DRP2: variants seen among roughly 807,000 people sequenced by gnomAD.
DRP2 encodes dystrophin-related protein 2.
In DRP2, 29 loss-of-function variants were observed where a neutral mutation model predicts 78.2. The ratio of observed to expected loss-of-function variants is 0.37; its 90% CI spans 0.28 to 0.51. DRP2 has a LOEUF of 0.51. DRP2 is among the 20% of genes least tolerant of loss of function. The pLI is 0.94. For missense variants in DRP2, 686 were observed against 770.6 expected (o/e 0.89, Z 1.30); for synonymous variants, 290 against 281.9 (o/e 1.03, Z -0.29).
At position 101,224,181 on chromosome X, in the gene DRP2, G is replaced by GTTTTTTTTTTTTTT. The variant is rs1379202759; in HGVS notation, c.-166-423_-166-422insTTTTTTTTTTTTTT. On this transcript the variant is annotated intron_variant, in intron 1 of 23. Transcript: ENST00000395209. Reference sequence around the variant, plus strand: ...TCCCAAGAATAATAAATGTTTGCTGGGTTTTTTTTGTTTTTTTTTTTTTTT... The same window carrying GTTTTTTTTTTTTTT: ...TCCCAAGAATAATAAATGTTTGCTGGTTTTTTTTTTTTTTGTTTTTTTTGTTTTTTTTTTTTTTT... Among the ~76,000 whole-genome samples the GTTTTTTTTTTTTTT allele has an allele frequency of 1.3e-3, 60 of 47,650 alleles. 11 individuals carry two copies. Among genetic ancestry groups the GTTTTTTTTTTTTTT allele is most frequent in the African/African-American group, 4.2e-3 (34 of 8,190 alleles). The allele number at this position is 47,650 out of a possible 115,157, so 41.4% of individuals were successfully genotyped here. A position where few individuals can be genotyped will look rare whatever the true frequency, so the allele number is the denominator to read the frequency against.
chrX:101,219,844 A>T lies in DRP2; in HGVS notation c.-469A>T, dbSNP rs1338734579. 1.8e-5 allele frequency: 2 copies of T among 110,336 alleles called. No individual in the cohort carries two copies. The highest frequency in any genetic ancestry group is 1.9e-5 in the Non-Finnish European group (1 of 52,851). 9.1% of individuals were successfully genotyped at this position (110,336 alleles called of 1,213,427 possible). A position where few individuals can be genotyped will look rare whatever the true frequency, so the allele number is the denominator to read the frequency against. ...CTCCAAGAGCCGCCACATCTCTGGT[A>T]GTTTTACAAAACTGTCCTTGCTCTT... On this transcript the variant is annotated 5_prime_UTR_variant, in exon 1 of 24. Transcript: ENST00000395209.
intron 4 of DRP2, 54 bp downstream of exon 4, chrX:101,236,077 C>T (rs1922493549): frequency 1.7e-6 from 2 of 1,145,979 alleles, no homozygotes; most frequent in Admixed American, 4.4e-5. Flanking sequence ...GCTCCTTTTG[C>T]TGCTGCACCC....
At chrX:101,223,710 A>AT (rs768163308) in intron 1 of DRP2, among the ~76,000 whole-genome samples, 103 of 112,324 alleles carry the variant, frequency 9.2e-4, no homozygotes, top group East Asian at 2.2e-3. Context: ...TGCATCTCTG[A>AT]TTTTTTAATT....
intron 11 of DRP2, among the ~76,000 whole-genome samples, chrX:101,246,118 G>A (rs970472357): frequency 1.8e-5 from 2 of 111,992 alleles, no homozygotes; most frequent in Admixed American, 9.5e-5. Context: ...GAAGAGAATC[G>A]CAGTCAATAA....
chrX:101,226,146 A>G (rs1922110891), intron 2 of DRP2, among the ~76,000 whole-genome samples: 1 of 112,003 alleles, frequency 8.9e-6, no homozygotes, highest in South Asian at 3.7e-4. Context: ...ATCATAAGAG[A>G]TCATTTTGTA....
rs1379202759 is a variant in DRP2 at position 101,224,181 on chromosome X, G to GTTTTTTTTTTTTTTTTTTTTTTTTTT, written c.-166-423_-166-422insTTTTTTTTTTTTTTTTTTTTTTTTTT. 3.1e-4 allele frequency among the ~76,000 whole-genome samples: 15 copies of GTTTTTTTTTTTTTTTTTTTTTTTTTT among 47,652 alleles called. 3 individuals carry two copies. Among genetic ancestry groups the GTTTTTTTTTTTTTTTTTTTTTTTTTT allele is most frequent in the Admixed American group, 6.3e-4 (3 of 4,753 alleles). 41.4% of individuals were successfully genotyped at this position (47,652 alleles called of 115,157 possible). On this transcript the variant is annotated intron_variant, in intron 1 of 23. Coordinates refer to ENST00000395209, the MANE Select transcript of DRP2 (RefSeq NM_001939.3). ...TCCCAAGAATAATAAATGTTTGCTG[G>GTTTTTTTTTTTTTTTTTTTTTTTTTT]GTTTTTTTTGTTTTTTTTTTTTTTT...
In DRP2 at chrX:101,230,154, G is replaced by T. The variant is rs137884479; in HGVS notation, c.-63-1431G>T. On this transcript the variant is annotated intron_variant, in intron 2 of 23. Coordinates refer to ENST00000395209, the MANE Select transcript of DRP2 (RefSeq NM_001939.3). ...TGCTTCATCCTCACGGCAACTGCCTGCCTATTCTAACAGCTTCTCAACAGG... is the reference window on the plus strand; with the variant it reads ...TGCTTCATCCTCACGGCAACTGCCTTCCTATTCTAACAGCTTCTCAACAGG... Among the ~76,000 whole-genome samples the T allele has an allele frequency of 7.8e-3, 875 of 112,160 alleles. 5 individuals carry two copies. Among genetic ancestry groups the T allele is most frequent in the Non-Finnish European group, 0.012 (617 of 53,277 alleles).
At chrX:101,243,043 T>G in intron 9 of DRP2, 61 bp downstream of exon 9, 1 of 1,083,888 alleles carries the variant, frequency 9.2e-7, no homozygotes, top group South Asian at 1.9e-5. Context: ...GGAGAGTCTA[T>G]TGTTATCCCC....
At chrX:101,224,191 G>GTTTTGTTTTTTTTTTT (rs1922007763) in intron 1 of DRP2, among the ~76,000 whole-genome samples, 3 of 38,880 alleles carry the variant, frequency 7.7e-5, no homozygotes, top group African/African-American at 3.8e-4. Flanking sequence ...GGTTTTTTTT[G>GTTTTGTTTTTTTTTTT]TTTTTTTTTT....
Position 101,258,556 on chromosome X carries a change from G to A in DRP2, c.2628+10G>A, listed in dbSNP as rs991934084. 1 of 1,168,005 alleles carries A rather than the reference G, an allele frequency of 8.6e-7. No homozygotes were observed. The highest frequency in any genetic ancestry group is 1.1e-6 in the Non-Finnish European group (1 of 870,909). On this transcript the variant is annotated intron_variant, in intron 22 of 23. Transcript: ENST00000395209. ...GGAGCTTCTCCTGCAGGTGAGGATG[G>A]AGACAGGAAAAGAGCCAGGGTGGCC...
chrX:101,229,333 A>G (rs897150341), intron 2 of DRP2, among the ~76,000 whole-genome samples: 1 of 111,775 alleles, frequency 8.9e-6, no homozygotes, highest in African/African-American at 3.3e-5. Context: ...CCATATTTTC[A>G]GTCATTCTTT....
chrX:101,258,588 C>T (rs1188919364), intron 22 of DRP2, 42 bp downstream of exon 22: 2 of 1,107,361 alleles, frequency 1.8e-6, no homozygotes, highest in Admixed American at 2.6e-5. Flanking sequence ...GGCCTCTGAG[C>T]CCAGGGGAAG....
Position 101,260,078 on chromosome X carries a change from T to A in DRP2, c.2658T>A (p.Ser886=), listed in dbSNP as rs1923490459. Residue 886 remains serine, a synonymous_variant, in exon 23 of 24, where the codon TCT becomes TCA. Transcript: ENST00000395209. ...CCACCGAATCAGATGGCAGTGGCTC[T>A]GCAGGCTCGTCCCTAGCTTCCTCTC... ...QPPTESDGSG[S]AGSSLASSPQ... 1 of 1,211,662 alleles carries A rather than the reference T, an allele frequency of 8.3e-7. No individual in the cohort carries two copies. The highest frequency in any genetic ancestry group is 3.0e-5 in the East Asian group (1 of 33,803).
intron 12 of DRP2, among the ~76,000 whole-genome samples, chrX:101,247,857 G>A (rs1835448776): frequency 8.9e-6 from 1 of 112,288 alleles, no homozygotes; most frequent in Non-Finnish European, 1.9e-5. Context: ...TGAAACTGAT[G>A]TCAAAGAACA....
chrX:101,241,454 AAAAATAAACAGTTTTTTTTT>A (rs1448788576), intron 6 of DRP2, among the ~76,000 whole-genome samples, 194 bp from the exon 7 acceptor site: 1 of 108,825 alleles, frequency 9.2e-6, no homozygotes, highest in African/African-American at 3.6e-5. Context: ...ACAATGATTT[AAAAATAAACAGTTTTTTTTT>A]AAAAAAAACG....
chrX:101,230,874 C>T (rs188640970), intron 2 of DRP2, among the ~76,000 whole-genome samples: 1,318 of 112,066 alleles, frequency 0.012, 8 homozygotes, highest in Middle Eastern at 0.083. Context: ...TCACGATTCC[C>T]TCATCTGTCT....
chrX:101,258,392 A>T lies in DRP2; in HGVS notation c.2474A>T (p.Glu825Val). Reference protein sequence around the residue: ...EAPSLADGSTEAATDHRNEEL... With the variant: ...EAPSLADGSTVAATDHRNEEL... ...CCCAGTCTGGCTGACGGCTCCACTG[A>T]GGCAGCAACAGACCACCGCAATGAG... Residue 825 changes from glutamate (E) to valine (V), a missense_variant, in exon 22 of 24, where the codon GAG (glutamate) becomes GTG (valine). This residue lies in a region of DRP2 where 423 missense variants were observed against 531.5 expected (regional missense o/e 0.80). Transcript: ENST00000395209. The T allele has an allele frequency of 8.3e-7, 1 of 1,206,051 alleles. No individual in the cohort carries two copies. The highest frequency in any genetic ancestry group is 1.1e-6 in the Non-Finnish European group (1 of 892,689).
intron 1 of DRP2, among the ~76,000 whole-genome samples, chrX:101,223,770 G>A (rs937626021): frequency 7.1e-5 from 8 of 111,947 alleles, no homozygotes; most frequent in Admixed American, 2.8e-4. Context: ...AACTTCTCAG[G>A]AATACGTTTC....
intron 2 of DRP2, among the ~76,000 whole-genome samples, chrX:101,230,056 T>C (rs1922248709): frequency 8.9e-6 from 1 of 112,210 alleles, no homozygotes; most frequent in African/African-American, 3.2e-5. Flanking sequence ...TCTCCTCCCT[T>C]ACTGTTCACA....
Sources: gnomAD v4.1 joint callset for allele counts (sites outside exome capture counted in the v4.1 genomes callset) on GRCh38, gnomAD v4.1.1 for gene constraint, gnomAD v4.1.1 regional missense constraint, MANE v1.5 for transcripts, NCBI Gene and HGNC (gene_info 2026-07-23, HGNC 2026-07-21) for gene names.